The following MDGA2 variants were observed in gnomAD, a reference collection of about 807,000 sequenced individuals.
MDGA2 encodes the protein MAM domain-containing glycosylphosphatidylinositol anchor protein 2.
Under a neutral mutation model 117.8 loss-of-function variants are expected in MDGA2, and 40 were observed. That is an observed-to-expected ratio of 0.34 (90% CI 0.26 to 0.44). MDGA2 has a LOEUF of 0.44. Ranked by LOEUF, MDGA2 falls within the 20% of genes least tolerant of loss-of-function variation. The pLI is 1.00. For synonymous variants in MDGA2, 452 were observed against 439.0 expected (o/e 1.03, Z -0.37); for missense variants, 1,123 against 1,250.6 (o/e 0.90, Z 1.54).
intron 1 of MDGA2, among the ~76,000 whole-genome samples, chr14:47,510,077 T>C (rs1399141174): frequency 1.3e-5 from 2 of 152,142 alleles, no homozygotes; most frequent in African/African-American, 4.8e-5. Flanking sequence ...TAACTCTCAA[T>C]TGTGATGGTA....
At chr14:46,972,460 C>T (rs565874103) in intron 8 of MDGA2, among the ~76,000 whole-genome samples, 40 of 152,266 alleles carry the variant, frequency 2.6e-4, no homozygotes, top group African/African-American at 8.9e-4. Flanking sequence ...TTTAGGTTAA[C>T]TCAGTATATA....
chr14:47,553,959 G>A (rs1477422112), intron 1 of MDGA2, among the ~76,000 whole-genome samples: 1 of 152,158 alleles, frequency 6.6e-6, no homozygotes, highest in Non-Finnish European at 1.5e-5. Context: ...GCAGTTCTAT[G>A]TATTTTCGTC....
intron 5 of MDGA2, among the ~76,000 whole-genome samples, chr14:47,101,075 CGATAGATAGATAGATAGATA>C (rs57541385): frequency 7.8e-5 from 11 of 140,222 alleles, no homozygotes; most frequent in Admixed American, 6.5e-4. Context: ...AATGGAGGGA[CGATAGATAGATAGATAGATA>C]GATAGATAGA....
At chr14:46,943,827 G>C (rs749229132) in intron 9 of MDGA2, among the ~76,000 whole-genome samples, 2 of 152,032 alleles carry the variant, frequency 1.3e-5, no homozygotes, top group Non-Finnish European at 2.9e-5. Flanking sequence ...TTCTTGGCTT[G>C]AGCCATATGG....
chr14:47,497,516 C>G (rs528371805), intron 1 of MDGA2, among the ~76,000 whole-genome samples: 94 of 152,190 alleles, frequency 6.2e-4, no homozygotes, highest in Non-Finnish European at 1.2e-3. Flanking sequence ...CCTCAACCTC[C>G]TAAAGTGTTG....
At chr14:47,444,668 G>A (rs1160770701) in intron 1 of MDGA2, among the ~76,000 whole-genome samples, 3 of 151,964 alleles carry the variant, frequency 2.0e-5, no homozygotes, top group Admixed American at 2.0e-4. Context: ...TTTTCAAAAG[G>A]GTCATCTTGT....
chr14:47,020,027 C>T (rs1189283409), intron 8 of MDGA2, among the ~76,000 whole-genome samples: 1 of 152,098 alleles, frequency 6.6e-6, no homozygotes, highest in African/African-American at 2.4e-5. Flanking sequence ...GTCATACATA[C>T]ATTTTATAGA....
intron 15 of MDGA2, among the ~76,000 whole-genome samples, chr14:46,846,096 C>T (rs1477244248): frequency 3.3e-5 from 5 of 151,744 alleles, no homozygotes; most frequent in Non-Finnish European, 5.9e-5. Flanking sequence ...AGCTCTGTGT[C>T]GATTTTAAAG....
At chr14:47,662,904 C>T (rs1239127271) in intron 1 of MDGA2, among the ~76,000 whole-genome samples, 1 of 152,102 alleles carries the variant, frequency 6.6e-6, no homozygotes, top group Non-Finnish European at 1.5e-5. Flanking sequence ...CTATGCACAA[C>T]AAAGGAAGAA....
chr14:47,643,514 T>C (rs530728840), intron 1 of MDGA2, among the ~76,000 whole-genome samples: 19 of 152,044 alleles, frequency 1.2e-4, no homozygotes, highest in Admixed American at 9.8e-4. Context: ...TAGTAGTAGT[T>C]TAATATGCAA....
intron 8 of MDGA2, among the ~76,000 whole-genome samples, chr14:46,997,729 G>A (rs1219718619): frequency 6.6e-6 from 1 of 152,122 alleles, no homozygotes; most frequent in Non-Finnish European, 1.5e-5. Context: ...AAGGGGCAGA[G>A]GAGAGGAAGA....
At chr14:47,243,267 C>G (rs921930765) in intron 2 of MDGA2, among the ~76,000 whole-genome samples, 1 of 151,508 alleles carries the variant, frequency 6.6e-6, no homozygotes, top group African/African-American at 2.4e-5. Context: ...ACCTTTGTAT[C>G]TAGCTCAGGG....
intron 1 of MDGA2, among the ~76,000 whole-genome samples, chr14:47,664,298 T>C (rs546940585): frequency 1.3e-5 from 2 of 152,354 alleles, no homozygotes; most frequent in East Asian, 1.9e-4. Context: ...AAAAAATTAC[T>C]TGGTCTCTGT....
chr14:47,155,268 A>G (rs747446450), intron 3 of MDGA2, among the ~76,000 whole-genome samples: 1 of 152,112 alleles, frequency 6.6e-6, no homozygotes, highest in Non-Finnish European at 1.5e-5. Context: ...CGGGACAAGA[A>G]CTCGGGACCT....
intron 2 of MDGA2, among the ~76,000 whole-genome samples, chr14:47,295,466 G>C (rs1889032981): frequency 6.6e-6 from 1 of 152,098 alleles, no homozygotes. Context: ...ATAAAGCAAT[G>C]TAACTAAAAT....
At chr14:47,480,016 C>T (rs1893919041) in intron 1 of MDGA2, among the ~76,000 whole-genome samples, 1 of 152,054 alleles carries the variant, frequency 6.6e-6, no homozygotes, top group African/African-American at 2.4e-5. Flanking sequence ...CCAGGTTCAT[C>T]CCTTTCAAAT....
At chr14:47,385,570 A>C (rs1270458838) in intron 1 of MDGA2, among the ~76,000 whole-genome samples, 2 of 152,176 alleles carry the variant, frequency 1.3e-5, no homozygotes, top group Non-Finnish European at 2.9e-5. Context: ...CTGATAATTA[A>C]AAAGCTATTT....
intron 3 of MDGA2, among the ~76,000 whole-genome samples, chr14:47,204,033 T>C (rs1354112386): frequency 2.0e-5 from 3 of 151,834 alleles, no homozygotes; most frequent in African/African-American, 4.8e-5. Context: ...AGATGAAAAA[T>C]TCAAACAGAA....
intron 3 of MDGA2, among the ~76,000 whole-genome samples, chr14:47,180,673 T>C (rs1884664875): frequency 6.6e-6 from 1 of 152,080 alleles, no homozygotes; most frequent in African/African-American, 2.4e-5. Flanking sequence ...GTCACGCCTA[T>C]AATCCAGCCC....
Sources: allele counts gnomAD v4.1 joint callset (sites outside exome capture counted in the v4.1 genomes callset), GRCh38; gene constraint gnomAD v4.1.1; transcripts MANE v1.5; gene names NCBI Gene and HGNC (gene_info 2026-07-23, HGNC 2026-07-21).